LRP8: variants seen among roughly 807,000 people sequenced by gnomAD.
LRP8 encodes low-density lipoprotein receptor-related protein 8.
A neutral mutation model predicts 111.6 loss-of-function variants in LRP8; 46 were observed. The observed-to-expected ratio is 0.41, with a 90% CI of 0.33 to 0.53. LRP8 has a LOEUF of 0.53. Among genes scored for constraint, LRP8 ranks in the 20% least tolerant of loss-of-function variants. LRP8 has a pLI of 0.20. For synonymous variants in LRP8, 464 were observed against 511.2 expected, an observed-to-expected ratio of 0.91 and a Z score of 1.24; for missense variants, 959 against 1,297.4, an observed-to-expected ratio of 0.74 and a Z score of 4.01.
intron 4 of LRP8, among the ~76,000 whole-genome samples, chr1:53,277,466 A>G (rs1179878513): frequency 6.6e-6 from 1 of 152,086 alleles, no homozygotes; most frequent in Non-Finnish European, 1.5e-5. Flanking sequence ...CTCATAGCAT[A>G]GCGATGCATA....
chr1:53,289,786 T>G, intron 2 of LRP8, 97 bp from the exon 3 acceptor site: 6 of 1,517,222 alleles, frequency 4.0e-6, no homozygotes, highest in Non-Finnish European at 5.4e-6. Flanking sequence ...GGCCATGGAC[T>G]GCCTTGCTGA....
intron 2 of LRP8, among the ~76,000 whole-genome samples, chr1:53,304,362 G>A (rs1206095510): frequency 6.6e-6 from 1 of 152,198 alleles, no homozygotes; most frequent in African/African-American, 2.4e-5. Flanking sequence ...CGCAGCCACT[G>A]GACTGCTTGG....
At chr1:53,314,614 AGAAGAGCAGGTTTTCTAACAG>A (rs1392469500) in intron 2 of LRP8, among the ~76,000 whole-genome samples, 1 of 152,194 alleles carries the variant, frequency 6.6e-6, no homozygotes, top group African/African-American at 2.4e-5. Flanking sequence ...TGGGATTGAC[AGAAGAGCAGGTTTTCTAACAG>A]GAAGAGCAGT....
At position 53,257,473 on chromosome 1, in the gene LRP8, G is replaced by GAA; in HGVS notation, c.2210-11_2210-10dup. ...TGAGGTAGATTGAGGTGCTGGAGGG[G>GAA]AAATACCATGGAGGTCACTTGGACA... On this transcript the variant is annotated splice_polypyrimidine_tract_variant and intron_variant, in intron 14 of 18. Coordinates refer to ENST00000306052, the MANE Select transcript of LRP8 (RefSeq NM_004631.5). 6.2e-7 allele frequency: 1 copy of GAA among 1,609,152 alleles called. No individual in the cohort carries two copies.
At chr1:53,309,734 A>G (rs1652651567) in intron 2 of LRP8, among the ~76,000 whole-genome samples, 1 of 152,120 alleles carries the variant, frequency 6.6e-6, no homozygotes, top group Non-Finnish European at 1.5e-5. Context: ...GGGATGAGAT[A>G]AAGGTGGTGA....
chr1:53,269,728 A>G (rs1646702158), intron 8 of LRP8, among the ~76,000 whole-genome samples: 1 of 151,710 alleles, frequency 6.6e-6, no homozygotes, highest in Non-Finnish European at 1.5e-5. Context: ...TCTACTTTCT[A>G]TTTTTCCTTA....
At chr1:53,284,352 G>A (rs970144500) in intron 3 of LRP8, among the ~76,000 whole-genome samples, 8 of 152,104 alleles carry the variant, frequency 5.3e-5, no homozygotes, top group African/African-American at 7.2e-5. Flanking sequence ...AGTCCTGCAC[G>A]TAAGCACTCC....
Position 53,255,205 on chromosome 1 carries a change from G to A in LRP8, c.2435-20C>T. On this transcript the variant is annotated intron_variant, in intron 15 of 18. Transcript: ENST00000306052. ...TTGCATCTGCAAAACACAAACATTT[G>A]CAGAATGATGCTCTATCACTGTGTG... 1 of 1,609,762 alleles carries A rather than the reference G, an allele frequency of 6.2e-7. No homozygotes were observed. The highest frequency in any genetic ancestry group is 1.7e-5 in the Admixed American group (1 of 60,008).
At chr1:53,297,336 G>C (rs1649925173) in intron 2 of LRP8, among the ~76,000 whole-genome samples, 1 of 152,200 alleles carries the variant, frequency 6.6e-6, no homozygotes, top group East Asian at 1.9e-4. Flanking sequence ...GTTTATCTGA[G>C]TCCAGAAGTC....
At chr1:53,267,006 C>G (rs1158297901) in intron 8 of LRP8, 4 of 206,900 alleles carry the variant, frequency 1.9e-5, no homozygotes, top group Non-Finnish European at 4.0e-5. Context: ...ATTCCACCTA[C>G]CAGATACCAT....
chr1:53,278,504 T>C (rs1647000178), intron 4 of LRP8, among the ~76,000 whole-genome samples: 1 of 152,266 alleles, frequency 6.6e-6, no homozygotes, highest in African/African-American at 2.4e-5. Flanking sequence ...ATGTCTTCAG[T>C]TTCACCAGGT....
chr1:53,300,837 C>T (rs549864947), intron 2 of LRP8, among the ~76,000 whole-genome samples: 13 of 152,186 alleles, frequency 8.5e-5, no homozygotes, highest in Non-Finnish European at 1.6e-4. Context: ...CCTCGGGAGC[C>T]CTGGCTACCC....
At position 53,246,878 on chromosome 1, in the gene LRP8, A is replaced by G. The variant is rs1645741861; in HGVS notation, c.*140T>C. The G allele has an allele frequency of 1.4e-6, 1 of 709,112 alleles. No individual in the cohort carries two copies. The highest frequency in any genetic ancestry group is 3.1e-5 in the East Asian group (1 of 31,806). The allele number at this position is 709,112 out of a possible 1,614,324, so 43.9% of individuals were successfully genotyped here. ...AACTTTGTGGTTACCTTTCCGCAAC[A>G]TAAATTTAAAAAAAAAATCACACAC... On this transcript the variant is annotated 3_prime_UTR_variant, in exon 19 of 19. Transcript: ENST00000306052.
At chr1:53,302,381 G>T (rs977815955) in intron 2 of LRP8, among the ~76,000 whole-genome samples, 1 of 152,116 alleles carries the variant, frequency 6.6e-6, no homozygotes, top group Non-Finnish European at 1.5e-5. Context: ...CCCAGCCTCG[G>T]GCTCACGTTA....
chr1:53,302,120 C>T (rs1651022097), intron 2 of LRP8, among the ~76,000 whole-genome samples: 1 of 152,114 alleles, frequency 6.6e-6, no homozygotes, highest in Non-Finnish European at 1.5e-5. Flanking sequence ...ACATTTTAAG[C>T]TGGTCCTCAA....
At chr1:53,278,906 G>A (rs1010626513) in intron 4 of LRP8, among the ~76,000 whole-genome samples, 2 of 148,218 alleles carry the variant, frequency 1.3e-5, no homozygotes, top group Admixed American at 6.7e-5. Flanking sequence ...TAGCCACCAC[G>A]CCCGGCTAAT....
At position 53,279,898 on chromosome 1, in the gene LRP8, T is replaced by G. The variant is rs1647048292; in HGVS notation, c.496+689A>C. Among the ~76,000 whole-genome samples the G allele has an allele frequency of 6.6e-6, 1 of 152,118 alleles. No homozygotes were observed. The highest frequency in any genetic ancestry group is 1.5e-5 in the Non-Finnish European group (1 of 67,996). ...GGCACACAGTAGGTGCCCCTCGAAT[T>G]GAAAAAGTGAGGCCTGGCCATGCTC... is the stretch of plus-strand genomic sequence containing the variant. On this transcript the variant is annotated intron_variant, in intron 4 of 18. Coordinates refer to ENST00000306052, the MANE Select transcript of LRP8 (RefSeq NM_004631.5). This position sits in a 1 kb window ranked among gnomAD's most constrained non-coding sequence, Gnocchi z 4.4.
intron 6 of LRP8, among the ~76,000 whole-genome samples, chr1:53,271,765 T>G (rs1306719135): frequency 6.6e-6 from 1 of 152,040 alleles, no homozygotes; most frequent in Non-Finnish European, 1.5e-5. Flanking sequence ...CAGGATACCC[T>G]AAGAATCCCT....
At chr1:53,270,057 T>C (rs1229856270) in intron 8 of LRP8, among the ~76,000 whole-genome samples, 1 of 152,188 alleles carries the variant, frequency 6.6e-6, no homozygotes, top group Non-Finnish European at 1.5e-5. Context: ...TGGGCTATAT[T>C]GGGTGGCTCT....
Sources: allele counts gnomAD v4.1 joint callset (sites outside exome capture counted in the v4.1 genomes callset), GRCh38; gene constraint gnomAD v4.1.1; non-coding constraint Gnocchi (gnomAD v3.1); transcripts MANE v1.5; gene names NCBI Gene and HGNC (gene_info 2026-07-23, HGNC 2026-07-21).